PRKCE: variants seen among roughly 807,000 people sequenced by gnomAD.
PRKCE encodes protein kinase C epsilon type.
PRKCE carries 16 observed loss-of-function variants against 85.4 expected under a neutral mutation model. That is an observed-to-expected ratio of 0.19 (90% CI 0.13 to 0.28). The LOEUF (loss-of-function observed/expected upper bound fraction) is 0.28, where lower values mean the gene tolerates loss of function less well. Among genes scored for constraint, PRKCE ranks in the 10% least tolerant of loss-of-function variants. PRKCE has a pLI of 1.00. For missense variants in PRKCE, 573 were observed against 975.2 expected (o/e 0.59, Z 5.49); for synonymous variants, 388 against 371.5 (o/e 1.04, Z -0.51).
In PRKCE at chr2:46,041,688, G is replaced by A. The variant is rs947474920; in HGVS notation, c.1437+31171G>A. ...GGAATGAACAACATAGTACTGAAGTGTTTCCTTGTGAATACCTCTCCATAT... is the reference window on the plus strand; with the variant it reads ...GGAATGAACAACATAGTACTGAAGTATTTCCTTGTGAATACCTCTCCATAT... On this transcript the variant is annotated intron_variant, in intron 10 of 14. Coordinates refer to ENST00000306156, the MANE Select transcript of PRKCE (RefSeq NM_005400.3). The surrounding 1 kb of genome is among the most constrained non-coding windows in gnomAD (Gnocchi z 5.5). Among the ~76,000 whole-genome samples the A allele has an allele frequency of 2.0e-5, 3 of 152,196 alleles. No homozygotes were observed. Among genetic ancestry groups the A allele is most frequent in the African/African-American group, 7.2e-5 (3 of 41,442 alleles).
chr2:46,027,714 C>T (rs1707220347), intron 10 of PRKCE, among the ~76,000 whole-genome samples: 1 of 152,182 alleles, frequency 6.6e-6, no homozygotes. Context: ...TCTTTTGCCA[C>T]TAAAGTTTCG....
rs368991534 is a variant in PRKCE, at chr2:45,945,931, T to C, written c.413-30498T>C. On this transcript the variant is annotated intron_variant, in intron 2 of 14. Transcript: ENST00000306156. ...ACATGAATGGCCACTTATCCCTATGTGTGAAGCCATGGTTGAATGGTAGTG... is the reference window on the plus strand; with the variant it reads ...ACATGAATGGCCACTTATCCCTATGCGTGAAGCCATGGTTGAATGGTAGTG... Among the ~76,000 whole-genome samples the C allele has an allele frequency of 1.4e-4, 22 of 152,342 alleles. No homozygotes were observed. In the East Asian group the frequency reaches 2.3e-3, roughly 16 times the overall value.
At chr2:45,742,038 C>T (rs1390660472) in intron 1 of PRKCE, among the ~76,000 whole-genome samples, 1 of 152,106 alleles carries the variant, frequency 6.6e-6, no homozygotes, top group Middle Eastern at 3.2e-3. Flanking sequence ...TGCTCTCCAT[C>T]TCATTCTTGG....
At chr2:45,916,018 G>A (rs1697743970) in intron 2 of PRKCE, among the ~76,000 whole-genome samples, 1 of 152,146 alleles carries the variant, frequency 6.6e-6, no homozygotes, top group Non-Finnish European at 1.5e-5. Flanking sequence ...TTGAAAATTG[G>A]TGGTAGAACT....
chr2:45,965,487 A>G (rs1026013757), intron 2 of PRKCE, among the ~76,000 whole-genome samples: 5 of 152,228 alleles, frequency 3.3e-5, no homozygotes, highest in Admixed American at 3.3e-4. Context: ...GACTCCCCAG[A>G]GATTGAGAGG....
intron 11 of PRKCE, among the ~76,000 whole-genome samples, chr2:46,115,806 C>G (rs1039435195): frequency 4.6e-5 from 7 of 152,220 alleles, no homozygotes; most frequent in Admixed American, 4.6e-4. Flanking sequence ...CAGAGGGTAC[C>G]AGGTACCCCG....
At chr2:46,030,433 A>G (rs1464813492) in intron 10 of PRKCE, among the ~76,000 whole-genome samples, 1 of 152,138 alleles carries the variant, frequency 6.6e-6, no homozygotes, top group East Asian at 1.9e-4. Context: ...GCGGTCCCAA[A>G]TACCAACTTG....
At chr2:45,788,958 C>T (rs550590491) in intron 1 of PRKCE, among the ~76,000 whole-genome samples, 1 of 152,208 alleles carries the variant, frequency 6.6e-6, no homozygotes, top group South Asian at 2.1e-4. Flanking sequence ...AGTCCTACCC[C>T]AGACCAATTA....
At chr2:46,103,914 G>A (rs1671471339) in intron 11 of PRKCE, among the ~76,000 whole-genome samples, 1 of 152,094 alleles carries the variant, frequency 6.6e-6, no homozygotes, top group Non-Finnish European at 1.5e-5. Flanking sequence ...GGGGAGGCAG[G>A]AGAGACTGGC....
At chr2:45,712,603 G>C (rs575550628) in intron 1 of PRKCE, among the ~76,000 whole-genome samples, 1 of 152,146 alleles carries the variant, frequency 6.6e-6, no homozygotes, top group East Asian at 1.9e-4. Flanking sequence ...GCCCTGGCTG[G>C]TCCCACTGAC....
intron 1 of PRKCE, among the ~76,000 whole-genome samples, chr2:45,692,725 ACACACCCATG>A (rs1421236912): frequency 6.6e-6 from 1 of 151,418 alleles, no homozygotes; most frequent in Non-Finnish European, 1.5e-5. Context: ...ACACACACAC[ACACACCCATG>A]CACACACACC....
At chr2:46,163,113 T>A (rs1028408077) in intron 14 of PRKCE, among the ~76,000 whole-genome samples, 3 of 152,202 alleles carry the variant, frequency 2.0e-5, no homozygotes, top group African/African-American at 7.2e-5. Flanking sequence ...GGGATGTGGG[T>A]GCCTGCCTAG....
chr2:45,858,009 G>A (rs544782396), intron 2 of PRKCE, among the ~76,000 whole-genome samples: 133 of 152,368 alleles, frequency 8.7e-4, no homozygotes, highest in Non-Finnish European at 1.5e-3. Flanking sequence ...ACGGCTGAGC[G>A]TCCACGTGTG....
At chr2:45,868,469 A>C (rs1189806355) in intron 2 of PRKCE, among the ~76,000 whole-genome samples, 1 of 151,132 alleles carries the variant, frequency 6.6e-6, no homozygotes, top group Non-Finnish European at 1.5e-5. Context: ...TGCCACAGGC[A>C]CCTGCCACCA....
intron 2 of PRKCE, among the ~76,000 whole-genome samples, chr2:45,971,908 G>A (rs1574071545): frequency 6.6e-6 from 1 of 152,164 alleles, no homozygotes; most frequent in Non-Finnish European, 1.5e-5. Flanking sequence ...TGTGAATGAC[G>A]CTGCAGTGAA....
chr2:46,150,483 T>G (rs1293621589), intron 12 of PRKCE, among the ~76,000 whole-genome samples: 2 of 152,154 alleles, frequency 1.3e-5, no homozygotes, highest in African/African-American at 4.8e-5. Flanking sequence ...TAGTGGTCCT[T>G]TATAGGGAGA....
rs182135979 is a variant in PRKCE, at chr2:45,980,431, C to T, written c.693+50C>T. 253 of 1,495,430 alleles carry T rather than the reference C, an allele frequency of 1.7e-4. 1 individual carries two copies. In the African/African-American group the frequency reaches 3.0e-3, roughly 18 times the overall value. 92.6% of individuals were successfully genotyped at this position (1,495,430 alleles called of 1,614,324 possible). Reference sequence around the variant, plus strand: ...CTGGGCTTCTTCACCGCCAGCCCCTCCCTTCACTGCCTCTTCTGTGGTTCC... The same window carrying T: ...CTGGGCTTCTTCACCGCCAGCCCCTTCCTTCACTGCCTCTTCTGTGGTTCC... On this transcript the variant is annotated intron_variant, in intron 5 of 14. Coordinates refer to ENST00000306156, the MANE Select transcript of PRKCE (RefSeq NM_005400.3).
chr2:45,933,464 CTTTTTTTTTTT>C lies in PRKCE; in HGVS notation c.413-42948_413-42938del, dbSNP rs59991455. On this transcript the variant is annotated intron_variant, in intron 2 of 14. Transcript: ENST00000306156. Reference sequence around the variant, plus strand: ...TTTTACCTTTCACCTCATATGCCTGCTTTTTTTTTTTTTTTTTTTTTTTTTTTGAGACTGAG... The same window carrying C: ...TTTTACCTTTCACCTCATATGCCTGCTTTTTTTTTTTTTTTTGAGACTGAG... 4.7e-4 allele frequency among the ~76,000 whole-genome samples: 31 copies of C among 65,362 alleles called. 1 individual carries two copies. The highest frequency in any genetic ancestry group is 2.1e-3 in the South Asian group (3 of 1,412). The allele number at this position is 65,362 out of a possible 152,430, so 42.9% of individuals were successfully genotyped here. A position where few individuals can be genotyped will look rare whatever the true frequency, so the allele number is the denominator to read the frequency against.
intron 10 of PRKCE, among the ~76,000 whole-genome samples, chr2:46,026,565 C>T (rs1262521737): frequency 2.0e-5 from 3 of 152,114 alleles, no homozygotes; most frequent in East Asian, 3.9e-4. Flanking sequence ...GAGGAACTGG[C>T]CACAGCTTTC....
Sources: gnomAD v4.1 joint callset for allele counts (sites outside exome capture counted in the v4.1 genomes callset) on GRCh38, gnomAD v4.1.1 for gene constraint, Gnocchi (gnomAD v3.1) non-coding constraint, MANE v1.5 for transcripts, NCBI Gene and HGNC (gene_info 2026-07-23, HGNC 2026-07-21) for gene names.